Variants in MAST4 observed in about 807,000 individuals in gnomAD.
MAST4 encodes the protein microtubule-associated serine/threonine-protein kinase 4.
Under a neutral mutation model 162.7 loss-of-function variants are expected in MAST4, and 89 were observed. The ratio of observed to expected loss-of-function variants is 0.55; its 90% CI spans 0.46 to 0.65. MAST4 has a LOEUF of 0.65. Among genes scored for constraint, MAST4 ranks in the 30% least tolerant of loss-of-function variants. The pLI is 0.00. For missense variants in MAST4, 3,153 were observed against 3,374.0 expected, an observed-to-expected ratio of 0.93 and a Z score of 1.62; for synonymous variants, 1,479 against 1,361.1, an observed-to-expected ratio of 1.09 and a Z score of -1.91.
At chr5:66,630,147 T>TGGGGCCA (rs1744705626) in intron 1 of MAST4, among the ~76,000 whole-genome samples, 1 of 152,176 alleles carries the variant, frequency 6.6e-6, no homozygotes, top group African/African-American at 2.4e-5. Flanking sequence ...CTCCTGGGAA[T>TGGGGCCA]GGGGCCTAGG....
chr5:67,012,941 G>A (rs569985452), intron 4 of MAST4, among the ~76,000 whole-genome samples: 18 of 151,930 alleles, frequency 1.2e-4, no homozygotes, highest in African/African-American at 4.3e-4. Context: ...GACCATAGCA[G>A]AGAATTTAGG....
chr5:67,083,317 C>G (rs1290590697), intron 5 of MAST4, among the ~76,000 whole-genome samples: 2 of 152,150 alleles, frequency 1.3e-5, no homozygotes, highest in African/African-American at 4.8e-5. Context: ...TTCATGTCTA[C>G]CAGAGGCAAA....
At chr5:67,020,200 T>C (rs1265807680) in intron 4 of MAST4, among the ~76,000 whole-genome samples, 1 of 152,220 alleles carries the variant, frequency 6.6e-6, no homozygotes, top group East Asian at 1.9e-4. Flanking sequence ...TTCCCAGTTC[T>C]CTTGAAAGTT....
At chr5:67,143,546 C>T (rs1040700943) in intron 21 of MAST4, among the ~76,000 whole-genome samples, 3 of 152,326 alleles carry the variant, frequency 2.0e-5, no homozygotes, top group African/African-American at 7.2e-5. Context: ...TTTTCTGTTG[C>T]CATGGCATTT....
In MAST4 at chr5:66,963,814, G is replaced by C. The variant is rs1746318866; in HGVS notation, c.674+63832G>C. ...TAAGCATGCTCCAGGGCCTGCCCAG[G>C]GCTGCTTTGTCTTTCTGTTGCCCCA... On this transcript the variant is annotated intron_variant, in intron 4 of 28. Coordinates refer to ENST00000403625, the MANE Select transcript of MAST4 (RefSeq NM_001164664.2). 7 of 778,896 alleles carry C rather than the reference G, an allele frequency of 9.0e-6. 1 individual carries two copies. In the South Asian group the frequency reaches 9.4e-5, roughly 10 times the overall value. The allele number at this position is 778,896 out of a possible 1,614,324, so 48.2% of individuals were successfully genotyped here.
At chr5:66,662,073 C>T (rs146156796) in intron 1 of MAST4, among the ~76,000 whole-genome samples, 14 of 151,674 alleles carry the variant, frequency 9.2e-5, no homozygotes, top group African/African-American at 3.1e-4. Context: ...ACTAGTTAAT[C>T]CCTTTTTTTT....
intron 3 of MAST4, among the ~76,000 whole-genome samples, chr5:66,896,773 T>G (rs910641889): frequency 2.0e-5 from 3 of 152,226 alleles, no homozygotes; most frequent in African/African-American, 7.2e-5. Flanking sequence ...CTTCTCTTTT[T>G]GAAGCTAAGG....
At chr5:66,784,311 C>T (rs1417347219) in intron 2 of MAST4, among the ~76,000 whole-genome samples, 1 of 152,092 alleles carries the variant, frequency 6.6e-6, no homozygotes, top group Non-Finnish European at 1.5e-5. Context: ...AAAATATGTA[C>T]AGAAATTAAT....
intron 1 of MAST4, among the ~76,000 whole-genome samples, chr5:66,683,230 A>G (rs984104997): frequency 2.0e-5 from 3 of 152,210 alleles, no homozygotes; most frequent in African/African-American, 7.2e-5. Context: ...CCAATTCTAA[A>G]TATGGAAGTT....
At chr5:67,046,079 A>G (rs1217514997) in intron 4 of MAST4, among the ~76,000 whole-genome samples, 1 of 152,160 alleles carries the variant, frequency 6.6e-6, no homozygotes, top group Non-Finnish European at 1.5e-5. Flanking sequence ...TGTTCAGTAC[A>G]GTAACATGCT....
intron 4 of MAST4, chr5:66,963,623 A>T: frequency 1.3e-6 from 1 of 759,440 alleles, no homozygotes; most frequent in South Asian, 1.4e-5. Context: ...TCTGGCCTAA[A>T]GGGAACACAG....
At chr5:66,914,549 G>T (rs1185360482) in intron 4 of MAST4, among the ~76,000 whole-genome samples, 1 of 151,758 alleles carries the variant, frequency 6.6e-6, no homozygotes, top group Non-Finnish European at 1.5e-5. Context: ...ATAGAGAGGG[G>T]GTAGAAGAGG....
intron 2 of MAST4, among the ~76,000 whole-genome samples, chr5:66,768,892 C>T (rs747726491): frequency 6.6e-6 from 1 of 151,800 alleles, no homozygotes; most frequent in Non-Finnish European, 1.5e-5. Flanking sequence ...AATACATTTG[C>T]TTTAAAAAAA....
rs576929691 is a variant in MAST4 at position 66,988,775 on chromosome 5, G to A, written c.675-65629G>A. ...ATTCACAGAATTTTGACAAGTTTGA[G>A]TCTACAAAGATGAGAGATATTTTGG... On this transcript the variant is annotated intron_variant, in intron 4 of 28. Coordinates refer to ENST00000403625, the MANE Select transcript of MAST4 (RefSeq NM_001164664.2). Among the ~76,000 whole-genome samples the A allele has an allele frequency of 3.1e-3, 477 of 152,258 alleles. 1 individual carries two copies. The highest frequency in any genetic ancestry group is 6.8e-3 in the Admixed American group (104 of 15,292).
intron 5 of MAST4, among the ~76,000 whole-genome samples, chr5:67,062,337 G>A (rs777181322): frequency 3.9e-4 from 60 of 152,198 alleles, no homozygotes; most frequent in Non-Finnish European, 7.2e-4. Context: ...GGCGGAGGCT[G>A]CAGTGAGCCG....
chr5:66,672,150 A>G (rs1159816639), intron 1 of MAST4, among the ~76,000 whole-genome samples: 6 of 152,230 alleles, frequency 3.9e-5, no homozygotes, highest in Non-Finnish European at 5.9e-5. Context: ...ACAAATAATG[A>G]AATATAATGG....
At chr5:66,953,702 G>A (rs1294376957) in intron 4 of MAST4, among the ~76,000 whole-genome samples, 1 of 152,018 alleles carries the variant, frequency 6.6e-6, no homozygotes, top group South Asian at 2.1e-4. Context: ...AATCAGAATC[G>A]ACATGTTAAA....
chr5:66,628,347 T>C (rs1347840645), intron 1 of MAST4, among the ~76,000 whole-genome samples: 5 of 151,456 alleles, frequency 3.3e-5, no homozygotes, highest in African/African-American at 4.8e-5. Context: ...TTTCTTTTTT[T>C]TTTTTTTTTA....
intron 1 of MAST4, among the ~76,000 whole-genome samples, chr5:66,689,593 G>A (rs1288932562): frequency 2.0e-5 from 3 of 152,064 alleles, no homozygotes; most frequent in Non-Finnish European, 4.4e-5. Flanking sequence ...GACCTACCTT[G>A]ATCTGAAATA....
Sources: allele counts gnomAD v4.1 joint callset (sites outside exome capture counted in the v4.1 genomes callset), GRCh38; gene constraint gnomAD v4.1.1; transcripts MANE v1.5; gene names NCBI Gene and HGNC (gene_info 2026-07-23, HGNC 2026-07-21).